Variants in DNAAF4 observed in about 807,000 individuals in gnomAD.
DNAAF4 encodes dynein assembly factor 4, axonemal.
Under a neutral mutation model 51.8 loss-of-function variants are expected in DNAAF4, and 43 were observed. That is an observed-to-expected ratio of 0.83 (90% CI 0.65 to 1.07). The LOEUF is 1.07. DNAAF4 is among the 50% of genes least tolerant of loss of function. DNAAF4 has a pLI of 0.00. For missense variants in DNAAF4, 581 were observed against 493.0 expected, an observed-to-expected ratio of 1.18 and a Z score of -1.69; for synonymous variants, 194 against 165.6, an observed-to-expected ratio of 1.17 and a Z score of -1.32.
rs760302245 is a variant in DNAAF4 at position 55,497,851 on chromosome 15, A to G, written c.132T>C (p.Phe44=). 2.5e-6 allele frequency: 4 copies of G among 1,610,356 alleles called. No individual in the cohort carries two copies. The South Asian group carries it at 3.3e-5, about 13-fold the overall frequency. The part of the protein sequence containing the change: ...FCTENYLKVN[F]PPFLFEAFLY... ...GAAATGCCTCAAATAAAAATGGAGG[A>G]AAGTTGACCTATGCAGAAGGGTGAA... Residue 44 remains phenylalanine (F), a synonymous_variant, in exon 3 of 10, where the codon TTT becomes TTC. Transcript: ENST00000321149.
intron 1 of DNAAF4, among the ~76,000 whole-genome samples, chr15:55,501,818 G>A (rs1236677661): frequency 6.6e-6 from 1 of 151,952 alleles, no homozygotes; most frequent in African/African-American, 2.4e-5. Flanking sequence ...CGAGGCAGGT[G>A]GATCACTTGA....
At chr15:55,481,009 TG>T (rs1246179027) in intron 4 of DNAAF4, among the ~76,000 whole-genome samples, 2 of 152,196 alleles carry the variant, frequency 1.3e-5, no homozygotes, top group African/African-American at 4.8e-5. Context: ...TAAGGTTTTA[TG>T]GCATTTCTCC....
At chr15:55,442,121 T>G (rs1196952000) in intron 6 of DNAAF4, among the ~76,000 whole-genome samples, 2 of 150,850 alleles carry the variant, frequency 1.3e-5, no homozygotes, top group Non-Finnish European at 2.9e-5. Context: ...GAGTTTTTTT[T>G]GTTTTGTTTT....
chr15:55,431,386 ACACAAATAC>A (rs1219326270), intron 9 of DNAAF4, among the ~76,000 whole-genome samples: 2 of 150,818 alleles, frequency 1.3e-5, no homozygotes, highest in African/African-American at 2.4e-5. Context: ...ACACACACAC[ACACAAATAC>A]ATACATACAT....
At chr15:55,442,889 T>A in intron 6 of DNAAF4, 1 of 1,612,284 alleles carries the variant, frequency 6.2e-7, no homozygotes, top group Non-Finnish European at 8.5e-7. Flanking sequence ...ATGGTTGCAA[T>A]GGCACCTCCA....
At chr15:55,447,107 C>G (rs112945379) in intron 6 of DNAAF4, among the ~76,000 whole-genome samples, 1 of 145,676 alleles carries the variant, frequency 6.9e-6, no homozygotes, top group East Asian at 2.1e-4. Context: ...CCAGATGGGG[C>G]GGCTGCGCAG....
rs201660805 is a variant in DNAAF4 at position 55,450,383 on chromosome 15, T to G, written c.638-16A>C. The G allele has an allele frequency of 1.1e-4, 183 of 1,604,908 alleles. No homozygotes were observed. The highest frequency in any genetic ancestry group is 1.9e-5 in the Non-Finnish European group (22 of 1,176,670). ...GAATTTCTCCCTTCAAAAACAATGG[T>G]AGCAAACAAGTCACTTATTTCTCAT... On this transcript the variant is annotated splice_polypyrimidine_tract_variant and intron_variant, in intron 5 of 9. Coordinates refer to ENST00000321149, the MANE Select transcript of DNAAF4 (RefSeq NM_130810.4).
At chr15:55,457,374 C>T (rs959907303) in intron 5 of DNAAF4, among the ~76,000 whole-genome samples, 5 of 152,082 alleles carry the variant, frequency 3.3e-5, no homozygotes, top group Admixed American at 2.0e-4. Context: ...AGAATCCCCT[C>T]CACCCCCACT....
At chr15:55,479,594 G>A (rs1450018954) in intron 4 of DNAAF4, among the ~76,000 whole-genome samples, 2 of 152,060 alleles carry the variant, frequency 1.3e-5, no homozygotes, top group African/African-American at 2.4e-5. Context: ...GTGGGGTCAG[G>A]CAAAAAGAGT....
chr15:55,445,113 A>T, intron 6 of DNAAF4, among the ~76,000 whole-genome samples: 1 of 140,640 alleles, frequency 7.1e-6, no homozygotes, highest in East Asian at 2.1e-4. Flanking sequence ...GGGTCATAGG[A>T]TAATAGTGGA....
At chr15:55,476,958 G>C (rs926893552) in intron 4 of DNAAF4, among the ~76,000 whole-genome samples, 1 of 152,144 alleles carries the variant, frequency 6.6e-6, no homozygotes, top group Non-Finnish European at 1.5e-5. Flanking sequence ...ATCACCTGAG[G>C]TCAGGAGTTA....
At chr15:55,427,900 G>A (rs577646558), downstream of DNAAF4, among the ~76,000 whole-genome samples, 2 of 151,616 alleles carry the variant, frequency 1.3e-5, no homozygotes, top group Non-Finnish European at 2.9e-5. Flanking sequence ...CTCCCAAAGT[G>A]CTGGGATTGC....
At chr15:55,477,490 GA>G (rs2058351185) in intron 4 of DNAAF4, among the ~76,000 whole-genome samples, 1 of 151,918 alleles carries the variant, frequency 6.6e-6, no homozygotes, top group Admixed American at 6.6e-5. Flanking sequence ...GGGAGGAGTA[GA>G]AAATGGAGTT....
intron 6 of DNAAF4, among the ~76,000 whole-genome samples, chr15:55,445,524 A>G (rs2141440635): frequency 6.6e-6 from 1 of 150,586 alleles, no homozygotes; most frequent in East Asian, 2.0e-4. Context: ...CGCCATCGTC[A>G]TCATGGCCCG....
At chr15:55,433,982 A>AATAT (rs2057561937) in intron 8 of DNAAF4, among the ~76,000 whole-genome samples, 1 of 19,614 alleles carries the variant, frequency 5.1e-5, no homozygotes, top group African/African-American at 1.3e-4. Context: ...TATATATTAT[A>AATAT]TATAATATAT....
rs765538938 is a variant in DNAAF4, at chr15:55,430,650, T to C, written c.*20A>G. ...GTTTTTAAAAAACTTATAACAATAC[T>C]TAGTTACTTCTAATAGTCATTAAGA... On this transcript the variant is annotated 3_prime_UTR_variant, in exon 10 of 10. Transcript: ENST00000321149. 3 of 1,606,710 alleles carry C rather than the reference T, an allele frequency of 1.9e-6. No homozygotes were observed. The highest frequency in any genetic ancestry group is 1.7e-5 in the Admixed American group (1 of 59,294).
intron 4 of DNAAF4, among the ~76,000 whole-genome samples, chr15:55,490,694 C>T (rs1025933827): frequency 1.3e-5 from 2 of 152,182 alleles, no homozygotes; most frequent in Non-Finnish European, 2.9e-5. Context: ...TGGCTCACGC[C>T]TCTAATCCCA....
chr15:55,444,573 T>C (rs1305305970), intron 6 of DNAAF4, among the ~76,000 whole-genome samples: 1 of 152,224 alleles, frequency 6.6e-6, no homozygotes, highest in Non-Finnish European at 1.5e-5. Flanking sequence ...TGTTTTCCAA[T>C]TCTTTGGGGA....
At chr15:55,463,219 T>C (rs765508382) in intron 5 of DNAAF4, among the ~76,000 whole-genome samples, 5 of 136,436 alleles carry the variant, frequency 3.7e-5, no homozygotes, top group Non-Finnish European at 8.0e-5. Flanking sequence ...CACAAAGCAT[T>C]TGACAAAATC....
Sources: allele counts gnomAD v4.1 joint callset (sites outside exome capture counted in the v4.1 genomes callset), GRCh38; gene constraint gnomAD v4.1.1; transcripts MANE v1.5; gene names NCBI Gene and HGNC (gene_info 2026-07-23, HGNC 2026-07-21).